AVL9: variants seen among roughly 807,000 people sequenced by gnomAD.
AVL9 encodes the protein late secretory pathway protein AVL9 homolog.
Under a neutral mutation model 79.2 loss-of-function variants are expected in AVL9, and 49 were observed. That is an observed-to-expected ratio of 0.62 (90% CI 0.49 to 0.79). AVL9 has a LOEUF of 0.79. Among genes scored for constraint, AVL9 ranks in the 30% least tolerant of loss-of-function variants. AVL9 has a pLI of 0.00. For missense variants in AVL9, 682 were observed against 776.8 expected (o/e 0.88, Z 1.45); for synonymous variants, 299 against 280.6 (o/e 1.07, Z -0.65).
intron 11 of AVL9, 128 bp from the exon 12 acceptor site, chr7:32,573,071 C>A: frequency 1.5e-5 from 10 of 681,516 alleles, no homozygotes; most frequent in Non-Finnish European, 2.3e-5. Flanking sequence ...CTTAGACTCA[C>A]CTTTTGAGAA....
intron 1 of AVL9, among the ~76,000 whole-genome samples, chr7:32,502,406 A>AAAAAAAAAAAAG (rs201243248): frequency 1.0e-4 from 14 of 140,112 alleles, no homozygotes; most frequent in Non-Finnish European, 1.7e-4. Context: ...AAAAAAAAAA[A>AAAAAAAAAAAAG]AAAGAAAGAA....
At chr7:32,571,162 G>A (rs1583593995) in intron 11 of AVL9, among the ~76,000 whole-genome samples, 1 of 149,650 alleles carries the variant, frequency 6.7e-6, no homozygotes, top group South Asian at 2.1e-4. Flanking sequence ...AACCTTGGAG[G>A]TGGAGGTTGC....
intron 15 of AVL9, among the ~76,000 whole-genome samples, chr7:32,582,882 G>A (rs1026713355): frequency 6.6e-6 from 1 of 151,982 alleles, no homozygotes; most frequent in African/African-American, 2.4e-5. Flanking sequence ...AGAGGGTTTC[G>A]CCATGTTTCC....
rs2290218 is a variant in AVL9 at position 32,587,050 on chromosome 7, G to A, written c.*3143G>A. 28,290 of 152,160 alleles carry A rather than the reference G, an allele frequency of 0.19. 2,897 individuals are homozygous for A. The highest frequency in any genetic ancestry group is 0.3 in the South Asian group (1,464 of 4,828). The allele number at this position is 152,160 out of a possible 1,614,324, so 9.4% of individuals were successfully genotyped here. On this transcript the variant is annotated 3_prime_UTR_variant, in exon 16 of 16. Coordinates refer to ENST00000318709, the MANE Select transcript of AVL9 (RefSeq NM_015060.3). ...CACTTTCCTGTTAAGAAACACAGCA[G>A]CAATATACTTTGGCAGCAAACCAGA... is the stretch of plus-strand genomic sequence containing the variant.
At chr7:32,545,257 A>C (rs1207040439) in intron 3 of AVL9, among the ~76,000 whole-genome samples, 4 of 146,784 alleles carry the variant, frequency 2.7e-5, no homozygotes, top group African/African-American at 5.0e-5. Flanking sequence ...ACAGGTGTGC[A>C]CCACTGTGCC....
At chr7:32,503,345 G>GATATATATAT (rs1562749405) in intron 1 of AVL9, among the ~76,000 whole-genome samples, 1 of 77,628 alleles carries the variant, frequency 1.3e-5, no homozygotes, top group African/African-American at 3.9e-5. Context: ...TATATATATA[G>GATATATATAT]ATATAGATAT....
At chr7:32,558,895 A>G in intron 9 of AVL9, 34 bp from the exon 10 acceptor site, 1 of 1,524,736 alleles carries the variant, frequency 6.6e-7, no homozygotes, top group Non-Finnish European at 8.8e-7. Flanking sequence ...ATATTATTAT[A>G]AGCCAAGCTG....
chr7:32,527,423 T>C (rs1274283293), intron 1 of AVL9, among the ~76,000 whole-genome samples: 2 of 152,252 alleles, frequency 1.3e-5, no homozygotes, highest in Admixed American at 6.5e-5. Flanking sequence ...TGCTTATGTT[T>C]TGTATAGCTA....
chr7:32,506,764 G>A (rs1399650672), intron 1 of AVL9, among the ~76,000 whole-genome samples: 1 of 150,178 alleles, frequency 6.7e-6, no homozygotes, highest in African/African-American at 2.5e-5. Flanking sequence ...AAAAAAGAAA[G>A]TGAAACTGCA....
chr7:32,513,091 C>T (rs1011480803), intron 1 of AVL9, among the ~76,000 whole-genome samples: 6 of 152,190 alleles, frequency 3.9e-5, no homozygotes, highest in African/African-American at 1.4e-4. Flanking sequence ...TGCCTTAAAG[C>T]CAGCACAGGG....
intron 1 of AVL9, among the ~76,000 whole-genome samples, chr7:32,541,371 T>C (rs1245269301): frequency 1.3e-5 from 2 of 152,140 alleles, no homozygotes; most frequent in Non-Finnish European, 2.9e-5. Flanking sequence ...AATTTAATGA[T>C]TTTCAAAAAG....
intron 1 of AVL9, among the ~76,000 whole-genome samples, chr7:32,506,239 A>G (rs2128114641): frequency 6.6e-6 from 1 of 152,312 alleles, no homozygotes; most frequent in East Asian, 1.9e-4. Flanking sequence ...ACATTTAGAA[A>G]TCAGTCATAA....
intron 1 of AVL9, among the ~76,000 whole-genome samples, chr7:32,530,147 T>G (rs1247609167): frequency 6.6e-6 from 1 of 152,216 alleles, no homozygotes; most frequent in Non-Finnish European, 1.5e-5. Context: ...TCCACATAGT[T>G]ATACACATTT....
chr7:32,540,123 T>C (rs1222140760), intron 1 of AVL9, among the ~76,000 whole-genome samples: 1 of 152,246 alleles, frequency 6.6e-6, no homozygotes, highest in East Asian at 1.9e-4. Context: ...TATCAGTATA[T>C]ATGAATCTGA....
rs988631986 is a variant in AVL9 at position 32,560,116 on chromosome 7, G to GA, written c.1215+653dup. On this transcript the variant is annotated intron_variant, in intron 10 of 15. Coordinates refer to ENST00000318709, the MANE Select transcript of AVL9 (RefSeq NM_015060.3). Reference sequence around the variant, plus strand: ...TGGTCCCAGCTGCTTGGGAGGCTGAGATTAGGAGGCTTGGTTGAGCCCTGG... The same window carrying GA: ...TGGTCCCAGCTGCTTGGGAGGCTGAGAATTAGGAGGCTTGGTTGAGCCCTGG... Among the ~76,000 whole-genome samples the GA allele has an allele frequency of 3.9e-5, 6 of 152,040 alleles. No individual in the cohort carries two copies. The South Asian group carries it at 6.2e-4, about 16-fold the overall frequency.
chr7:32,531,573 G>T (rs1233986123), intron 1 of AVL9: 2 of 151,906 alleles, frequency 1.3e-5, no homozygotes, highest in Non-Finnish European at 2.9e-5. Context: ...CTCACAACAG[G>T]GTACCTCCTT....
intron 11 of AVL9, 97 bp downstream of exon 11, chr7:32,570,251 A>ATCATTAC: frequency 1.4e-6 from 2 of 1,453,692 alleles, no homozygotes; most frequent in Non-Finnish European, 1.9e-6. Context: ...ATTAGTAATG[A>ATCATTAC]TAATAACTGC....
intron 1 of AVL9, chr7:32,539,292 T>C (rs979107078): frequency 6.6e-6 from 1 of 152,186 alleles, no homozygotes; most frequent in African/African-American, 2.4e-5. Flanking sequence ...TGTGACCAGC[T>C]TGTGACAGGC....
chr7:32,577,187 T>C (rs1791140327), intron 13 of AVL9, among the ~76,000 whole-genome samples: 1 of 152,102 alleles, frequency 6.6e-6, no homozygotes, highest in African/African-American at 2.4e-5. Flanking sequence ...ACAAAAAATT[T>C]AGCCAGGCGT....
Sources: gnomAD v4.1 joint callset for allele counts (sites outside exome capture counted in the v4.1 genomes callset) on GRCh38, gnomAD v4.1.1 for gene constraint, MANE v1.5 for transcripts, NCBI Gene and HGNC (gene_info 2026-07-23, HGNC 2026-07-21) for gene names.